The following MAPKAPK2 variants were observed in gnomAD, a reference collection of about 807,000 sequenced individuals.
MAPKAPK2 encodes the protein MAPK activated protein kinase 2.
MAPKAPK2 carries 9 observed loss-of-function variants against 48.8 expected under a neutral mutation model. The ratio of observed to expected loss-of-function variants is 0.18; its 90% confidence interval spans 0.11 to 0.32. The LOEUF is 0.32. Ranked by LOEUF, MAPKAPK2 falls within the 10% of genes least tolerant of loss-of-function variation. The pLI is 1.00. For missense variants in MAPKAPK2, 331 were observed against 498.3 expected (o/e 0.66, Z 3.20); for synonymous variants, 202 against 190.6 (o/e 1.06, Z -0.49).
In MAPKAPK2 at chr1:206,695,609, A is replaced by T. The variant is rs1157297467; in HGVS notation, c.279+10101A>T. Among the ~76,000 whole-genome samples, 8 of 151,678 alleles carry T rather than the reference A, an allele frequency of 5.3e-5. 1 individual carries two copies. In the East Asian group the frequency reaches 1.5e-3, roughly 29 times the overall value. ...ACCATGCCTGTCCCCCGTCCTGTCT[A>T]TATCTACCTTTTCCACCCTGCACAG... On this transcript the variant is annotated intron_variant, in intron 1 of 9. Transcript: ENST00000367103.
At position 206,685,268 on chromosome 1, in the gene MAPKAPK2, G is replaced by A. The variant is rs1447122596; in HGVS notation, c.39G>A (p.Pro13=). 6 of 648,690 alleles carry A rather than the reference G, an allele frequency of 9.2e-6. No homozygotes were observed. Among genetic ancestry groups the A allele is most frequent in the Non-Finnish European group, 1.3e-5 (6 of 445,448 alleles). The allele number at this position is 648,690 out of a possible 1,614,324, so 40.2% of individuals were successfully genotyped here. Residue 13 remains proline, a synonymous_variant, in exon 1 of 10, where the codon CCG becomes CCA. Coordinates refer to ENST00000367103, the MANE Select transcript of MAPKAPK2 (RefSeq NM_032960.4). ...CCCAGGGCCAGAGCCCGCCGGTGCC[G>A]TTCCCCGCCCCGGCCCCGCCGCCGC... ...SNSQGQSPPV[P]FPAPAPPPQP...
chr1:206,685,091 G>T lies in MAPKAPK2; in HGVS notation c.-139G>T. On this transcript the variant is annotated 5_prime_UTR_variant, in exon 1 of 10. Transcript: ENST00000367103. ...AGCCCCGCGACCCGCCGAGCCTGGA[G>T]CCGGGCCGGGTCGGGGAAGCCGGCT... 5.2e-6 allele frequency: 1 copy of T among 192,748 alleles called. No individual in the cohort carries two copies. Among genetic ancestry groups the T allele is most frequent in the Non-Finnish European group, 1.0e-5 (1 of 96,656 alleles). 11.9% of individuals were successfully genotyped at this position (192,748 alleles called of 1,614,324 possible). A position where few individuals can be genotyped will look rare whatever the true frequency, so the allele number is the denominator to read the frequency against.
At chr1:206,692,877 A>T (rs1553426495) in intron 1 of MAPKAPK2, among the ~76,000 whole-genome samples, 1 of 152,200 alleles carries the variant, frequency 6.6e-6, no homozygotes, top group Non-Finnish European at 1.5e-5. Context: ...TGGCCACCCG[A>T]TGGGAGCCTT....
chr1:206,717,938 A>G (rs79204394), intron 1 of MAPKAPK2, among the ~76,000 whole-genome samples: 6,457 of 152,038 alleles, frequency 0.042, 315 homozygotes, highest in African/African-American at 0.12. Flanking sequence ...TTTTTTTTGC[A>G]GGGGAGGTAA....
intron 1 of MAPKAPK2, among the ~76,000 whole-genome samples, chr1:206,696,539 C>T (rs1672629919): frequency 6.6e-6 from 1 of 152,042 alleles, no homozygotes; most frequent in African/African-American, 2.4e-5. Flanking sequence ...CCCATCTCTA[C>T]AAAAAATTAA....
chr1:206,695,833 A>T, intron 1 of MAPKAPK2: 2 of 485,920 alleles, frequency 4.1e-6, no homozygotes, highest in Non-Finnish European at 7.5e-6. Context: ...TCCTGTGCAC[A>T]GTGACCATGG....
intron 1 of MAPKAPK2, among the ~76,000 whole-genome samples, chr1:206,701,752 T>G (rs1553427928): frequency 6.8e-6 from 1 of 147,502 alleles, no homozygotes; most frequent in Admixed American, 7.2e-5. Flanking sequence ...GAGGATCACT[T>G]GAGCCTGGGA....
Position 206,732,311 on chromosome 1 carries a change from C to T in MAPKAPK2, c.1060-264C>T. On this transcript the variant is annotated intron_variant, in intron 9 of 9. Transcript: ENST00000367103. This position sits in a 1 kb window ranked among gnomAD's most constrained non-coding sequence, Gnocchi z 4.4. ...AGGTTTCCTGACTCCTGGCCCAAGT[C>T]TCTTCCTCCTATCCTGCGGGATCAC... The T allele has an allele frequency of 2.1e-6, 3 of 1,446,020 alleles. No individual in the cohort carries two copies. Among genetic ancestry groups the T allele is most frequent in the Non-Finnish European group, 2.7e-6 (3 of 1,103,950 alleles). 89.6% of individuals were successfully genotyped at this position (1,446,020 alleles called of 1,614,324 possible).
At position 206,733,304 on chromosome 1, in the gene MAPKAPK2, GTGCA is replaced by G. The variant is rs1267814275; in HGVS notation, c.*587_*590del. On this transcript the variant is annotated 3_prime_UTR_variant, in exon 10 of 10. Transcript: ENST00000367103. ...TATGTGTGTGTGTGTGTGTGTGTGT[GTGCA>G]CACGTGTGTATGAGTGCGCAGATCT... 1.4e-5 allele frequency: 2 copies of G among 147,090 alleles called. No individual in the cohort carries two copies. Among genetic ancestry groups the G allele is most frequent in the African/African-American group, 5.1e-5 (2 of 38,900 alleles). The allele number at this position is 147,090 out of a possible 1,614,324, so 9.1% of individuals were successfully genotyped here. A position where few individuals can be genotyped will look rare whatever the true frequency, so the allele number is the denominator to read the frequency against.
intron 1 of MAPKAPK2, among the ~76,000 whole-genome samples, chr1:206,688,851 G>A (rs1353533038): frequency 1.3e-5 from 2 of 152,062 alleles, no homozygotes; most frequent in Non-Finnish European, 2.9e-5. Flanking sequence ...ATTCAGGATG[G>A]TCTTGATCTC....
intron 1 of MAPKAPK2, among the ~76,000 whole-genome samples, chr1:206,691,504 T>TATACAC (rs1424297313): frequency 2.7e-5 from 3 of 112,148 alleles, no homozygotes; most frequent in Non-Finnish European, 3.9e-5. Flanking sequence ...TATATATATA[T>TATACAC]ACACACATAC....
At chr1:206,714,848 A>G (rs1673277466) in intron 1 of MAPKAPK2, among the ~76,000 whole-genome samples, 1 of 151,634 alleles carries the variant, frequency 6.6e-6, no homozygotes, top group African/African-American at 2.4e-5. Flanking sequence ...TTTTGTTTAC[A>G]TATTGCTTCT....
At chr1:206,726,877 G>T (rs146415545) in intron 1 of MAPKAPK2, among the ~76,000 whole-genome samples, 1 of 152,204 alleles carries the variant, frequency 6.6e-6, no homozygotes, top group African/African-American at 2.4e-5. Context: ...CCCTCTGCAA[G>T]CTGGCTCCAT....
In MAPKAPK2 at chr1:206,732,726, C is replaced by T. The variant is rs112632608; in HGVS notation, c.*8C>T. On this transcript the variant is annotated 3_prime_UTR_variant, in exon 10 of 10. Transcript: ENST00000367103. The surrounding 1 kb of genome is among the most constrained non-coding windows in gnomAD (Gnocchi z 4.4). ...GCGGCTCTGGCCCACTGAGCCACCG[C>T]GCCCTCCTGCCCACGGGAGGACAAG... 1.3e-4 allele frequency: 204 copies of T among 1,614,056 alleles called. 3 individuals are homozygous for T. Among genetic ancestry groups the T allele is most frequent in the East Asian group, 9.4e-4 (42 of 44,888 alleles).
In MAPKAPK2 at chr1:206,711,244, TTTTGTTTG is replaced by T. The variant is rs530867423; in HGVS notation, c.280-17450_280-17443del. Among the ~76,000 whole-genome samples the T allele has an allele frequency of 9.3e-4, 141 of 152,322 alleles. No homozygotes were observed. In the East Asian group the frequency reaches 0.013, roughly 15 times the overall value. On this transcript the variant is annotated intron_variant, in intron 1 of 9. Coordinates refer to ENST00000367103, the MANE Select transcript of MAPKAPK2 (RefSeq NM_032960.4). ...AACTTGCTTTTTTCATGGAAGTTTT[TTTTGTTTG>T]TTTGTTTGTTTGTTTTTGAGACACC...
In MAPKAPK2 at chr1:206,704,435, G is replaced by T. The variant is rs1335886729; in HGVS notation, c.279+18927G>T. ...CAGCTCACCCAGACCATGTGTGATG[G>T]TTATGGTGGTGACTTCTCACTGACT... On this transcript the variant is annotated intron_variant, in intron 1 of 9. Transcript: ENST00000367103. This position sits in a 1 kb window ranked among gnomAD's most constrained non-coding sequence, Gnocchi z 4.3. Among the ~76,000 whole-genome samples, 1 of 152,288 alleles carries T rather than the reference G, an allele frequency of 6.6e-6. No homozygotes were observed. The highest frequency in any genetic ancestry group is 1.5e-5 in the Non-Finnish European group (1 of 68,020).
chr1:206,714,479 C>T (rs1244554122), intron 1 of MAPKAPK2, among the ~76,000 whole-genome samples: 1 of 151,920 alleles, frequency 6.6e-6, no homozygotes, highest in Non-Finnish European at 1.5e-5. Flanking sequence ...AACAAAAGTG[C>T]CGGCTGGACG....
intron 5 of MAPKAPK2, among the ~76,000 whole-genome samples, chr1:206,730,364 G>A (rs948892401): frequency 6.6e-6 from 1 of 152,252 alleles, no homozygotes; most frequent in Admixed American, 6.5e-5. Context: ...CCCAGGTCTT[G>A]TTCTGGAGCC....
chr1:206,720,905 C>T (rs1673495745), intron 1 of MAPKAPK2, among the ~76,000 whole-genome samples: 1 of 152,170 alleles, frequency 6.6e-6, no homozygotes, highest in South Asian at 2.1e-4. Flanking sequence ...ATTTAATATT[C>T]ATCTGAAACA....
Sources: gnomAD v4.1 joint callset for allele counts (sites outside exome capture counted in the v4.1 genomes callset) on GRCh38, gnomAD v4.1.1 for gene constraint, Gnocchi (gnomAD v3.1) non-coding constraint, MANE v1.5 for transcripts, NCBI Gene and HGNC (gene_info 2026-07-23, HGNC 2026-07-21) for gene names.